The following EML1 variants were observed in gnomAD, a reference collection of about 807,000 sequenced individuals.
The protein encoded by EML1 is EMAP like 1.
Under a neutral mutation model 110.4 loss-of-function variants are expected in EML1, and 27 were observed. That is an observed-to-expected ratio of 0.24 (90% CI 0.18 to 0.34). The LOEUF is 0.34. Among genes scored for constraint, EML1 ranks in the 10% least tolerant of loss-of-function variants. EML1 has a pLI of 1.00. For missense variants in EML1, 741 were observed against 1,030.9 expected (o/e 0.72, Z 3.85); for synonymous variants, 344 against 385.8 (o/e 0.89, Z 1.27).
intron 1 of EML1, among the ~76,000 whole-genome samples, chr14:99,786,061 C>CAAAAAAAAAAAAAAA (rs56240053): frequency 2.5e-5 from 3 of 120,404 alleles, no homozygotes; most frequent in African/African-American, 9.0e-5. Context: ...CCTGGCTGCT[C>CAAAAAAAAAAAAAAA]AAAAAAAAAA....
At chr14:99,892,251 A>G in intron 5 of EML1, 1 of 972,024 alleles carries the variant, frequency 1.0e-6, no homozygotes, top group Non-Finnish European at 1.2e-6. Context: ...TACCCAGGCT[A>G]CAGAAACCTT....
At chr14:99,747,819 C>T (rs1435517891) in intron 1 of EML1, among the ~76,000 whole-genome samples, 1 of 152,178 alleles carries the variant, frequency 6.6e-6, no homozygotes, top group African/African-American at 2.4e-5. Context: ...CCCAGGGGTC[C>T]CGCTGCAGGG....
chr14:99,917,574 G>T (rs1027832063), intron 15 of EML1, among the ~76,000 whole-genome samples: 5 of 152,146 alleles, frequency 3.3e-5, no homozygotes, highest in African/African-American at 1.2e-4. Context: ...AAGGGTGGGG[G>T]TAGGTAGAAA....
At chr14:99,795,899 CAT>C (rs2139670080) in intron 1 of EML1, among the ~76,000 whole-genome samples, 1 of 152,122 alleles carries the variant, frequency 6.6e-6, no homozygotes, top group East Asian at 1.9e-4. Flanking sequence ...GGATGACTGT[CAT>C]AGTTAATTTC....
chr14:99,832,437 G>GT (rs1209840972), intron 1 of EML1, among the ~76,000 whole-genome samples: 4 of 152,202 alleles, frequency 2.6e-5, no homozygotes, highest in Non-Finnish European at 4.4e-5. Flanking sequence ...GTGGGTGTGT[G>GT]TTTAGCTGTC....
chr14:99,913,494 G>T lies in EML1; in HGVS notation c.1495-685G>T, dbSNP rs1243369514. Among the ~76,000 whole-genome samples the T allele has an allele frequency of 4.6e-5, 7 of 152,216 alleles. No individual in the cohort carries two copies. In the East Asian group the frequency reaches 1.2e-3, roughly 25 times the overall value. On this transcript the variant is annotated intron_variant, in intron 13 of 21. Transcript: ENST00000262233. ...ACCTGGCCTATATTCTTTACTTTCTGAATTGTATCTACTGTTGCTATCAGA... is the reference window on the plus strand; with the variant it reads ...ACCTGGCCTATATTCTTTACTTTCTTAATTGTATCTACTGTTGCTATCAGA...
intron 1 of EML1, among the ~76,000 whole-genome samples, chr14:99,818,843 G>A (rs4905899): frequency 0.3 from 45,539 of 152,074 alleles, 8,354 homozygotes; most frequent in South Asian, 0.51. Flanking sequence ...GGCCTGGATC[G>A]TCCTGGTCCT....
intron 1 of EML1, among the ~76,000 whole-genome samples, chr14:99,761,558 C>A (rs2057314007): frequency 1.3e-5 from 2 of 152,108 alleles, no homozygotes; most frequent in South Asian, 4.2e-4. Flanking sequence ...GACACCGAGC[C>A]TGGGGTGAGC....
intron 3 of EML1, among the ~76,000 whole-genome samples, chr14:99,878,146 A>T (rs1455507774): frequency 7.2e-6 from 1 of 139,170 alleles, no homozygotes; most frequent in African/African-American, 2.5e-5. Context: ...GCCCAGGGAA[A>T]CCAAAAGATT....
intron 13 of EML1, among the ~76,000 whole-genome samples, chr14:99,911,867 CTCTTT>C (rs1308452830): frequency 2.0e-5 from 3 of 151,630 alleles, no homozygotes; most frequent in Admixed American, 2.0e-4. Context: ...AATCTGTCTT[CTCTTT>C]TAACTTTTTC....
At chr14:99,830,483 C>T (rs1180342575) in intron 1 of EML1, among the ~76,000 whole-genome samples, 4 of 152,038 alleles carry the variant, frequency 2.6e-5, no homozygotes, top group Non-Finnish European at 4.4e-5. Flanking sequence ...TTTTAATCAT[C>T]GTTTCCTCTT....
intron 16 of EML1, among the ~76,000 whole-genome samples, chr14:99,918,660 A>T (rs906144331): frequency 6.6e-6 from 1 of 152,064 alleles, no homozygotes; most frequent in Non-Finnish European, 1.5e-5. Flanking sequence ...TCTATAAAAA[A>T]TTTAAAATTG....
chr14:99,751,373 G>A (rs1167189658), intron 1 of EML1, among the ~76,000 whole-genome samples: 1 of 152,172 alleles, frequency 6.6e-6, no homozygotes, highest in Admixed American at 6.5e-5. Flanking sequence ...ACCCAGCACG[G>A]AAGCAGAGGC....
chr14:99,879,336 A>C (rs2139939013), intron 4 of EML1, among the ~76,000 whole-genome samples: 1 of 152,304 alleles, frequency 6.6e-6, no homozygotes, highest in South Asian at 2.1e-4. Context: ...TTTTTACCTA[A>C]CATTGTACTT....
intron 1 of EML1, among the ~76,000 whole-genome samples, chr14:99,753,333 G>A (rs190521545): frequency 1.8e-3 from 266 of 151,614 alleles, no homozygotes; most frequent in African/African-American, 5.9e-3. Flanking sequence ...AATTAAGTCC[G>A]AACCTCCTGG....
intron 1 of EML1, among the ~76,000 whole-genome samples, chr14:99,796,657 C>G (rs939492243): frequency 3.4e-5 from 5 of 147,658 alleles, no homozygotes; most frequent in African/African-American, 1.2e-4. Flanking sequence ...GCCCAGCTCA[C>G]AAACTTCTTT....
intron 1 of EML1, among the ~76,000 whole-genome samples, chr14:99,742,844 G>A (rs756988217): frequency 6.6e-6 from 1 of 152,152 alleles, no homozygotes; most frequent in African/African-American, 2.4e-5. Flanking sequence ...GGTATTGGAC[G>A]GGATGACTCC....
upstream of EML1, among the ~76,000 whole-genome samples, chr14:99,771,060 A>T (rs1032741732): frequency 6.6e-6 from 1 of 152,148 alleles, no homozygotes; most frequent in Non-Finnish European, 1.5e-5. Context: ...CTGGGATTAC[A>T]GGCGTGAGCC....
intron 1 of EML1, among the ~76,000 whole-genome samples, chr14:99,840,400 A>G (rs1164453229): frequency 5.9e-5 from 9 of 152,230 alleles, no homozygotes; most frequent in African/African-American, 2.2e-4. Flanking sequence ...GGCTGGCCAC[A>G]TTCTAGCCGT....
Sources: gnomAD v4.1 joint callset for allele counts (sites outside exome capture counted in the v4.1 genomes callset) on GRCh38, gnomAD v4.1.1 for gene constraint, MANE v1.5 for transcripts, NCBI Gene and HGNC (gene_info 2026-07-23, HGNC 2026-07-21) for gene names.